The following MAST2 variants were observed in gnomAD, a reference collection of about 807,000 sequenced individuals.
MAST2 encodes microtubule associated serine/threonine kinase 2.
A neutral mutation model predicts 147.4 loss-of-function variants in MAST2; 70 were observed. That is an observed-to-expected ratio of 0.47 (90% CI 0.39 to 0.58). The LOEUF (loss-of-function observed/expected upper bound fraction) is 0.58. Among genes scored for constraint, MAST2 ranks in the 20% least tolerant of loss-of-function variants. The pLI, the probability that MAST2 is intolerant of heterozygous loss-of-function variation, is 0.00. For missense variants in MAST2, 2,080 were observed against 2,302.3 expected, an observed-to-expected ratio of 0.90 and a Z score of 1.98; for synonymous variants, 869 against 896.8, an observed-to-expected ratio of 0.97 and a Z score of 0.55.
At chr1:45,936,464 T>C (rs76275476) in intron 4 of MAST2, among the ~76,000 whole-genome samples, 51,185 of 151,598 alleles carry the variant, frequency 0.34, 8,942 homozygotes, top group African/African-American at 0.43. Flanking sequence ...GGGACCGTGT[T>C]TTTTGCCCAG....
At chr1:46,020,691 C>G (rs1010663124) in intron 11 of MAST2, among the ~76,000 whole-genome samples, 2 of 152,186 alleles carry the variant, frequency 1.3e-5, no homozygotes, top group Admixed American at 6.5e-5. Context: ...AGTCAGTCCT[C>G]TCTTCCTCCT....
chr1:45,896,887 C>T (rs749449707), intron 4 of MAST2, among the ~76,000 whole-genome samples: 4 of 152,268 alleles, frequency 2.6e-5, no homozygotes, highest in East Asian at 1.9e-4. Flanking sequence ...GAGGCCATTC[C>T]GGTTTGCAAG....
intron 16 of MAST2, 108 bp downstream of exon 16, chr1:46,025,923 A>C: frequency 7.1e-7 from 1 of 1,412,862 alleles, no homozygotes; most frequent in Non-Finnish European, 9.9e-7. Flanking sequence ...TACCGGGAAA[A>C]CATGCTCCTG....
At chr1:46,013,169 T>C (rs1645785423) in intron 10 of MAST2, among the ~76,000 whole-genome samples, 1 of 152,220 alleles carries the variant, frequency 6.6e-6, no homozygotes, top group South Asian at 2.1e-4. Context: ...TGGTTAAATC[T>C]TCACAACCGT....
intron 11 of MAST2, among the ~76,000 whole-genome samples, chr1:46,021,648 G>A (rs1332808362): frequency 1.3e-5 from 2 of 152,208 alleles, no homozygotes; most frequent in Non-Finnish European, 2.9e-5. Context: ...GTGCCACCTG[G>A]CTGATGGAAA....
At chr1:45,881,864 G>A (rs1646859128) in intron 3 of MAST2, among the ~76,000 whole-genome samples, 1 of 151,726 alleles carries the variant, frequency 6.6e-6, no homozygotes, top group South Asian at 2.1e-4. Context: ...GTTTGCCTGA[G>A]TGCTTTTATT....
chr1:45,916,704 T>G (rs1366204093), intron 4 of MAST2, among the ~76,000 whole-genome samples: 1 of 152,210 alleles, frequency 6.6e-6, no homozygotes, highest in African/African-American at 2.4e-5. Context: ...GAAGTTTTAG[T>G]CATTGAATAT....
chr1:45,891,890 C>T (rs1278177332), intron 4 of MAST2, among the ~76,000 whole-genome samples: 1 of 152,072 alleles, frequency 6.6e-6, no homozygotes, highest in Non-Finnish European at 1.5e-5. Context: ...GAAGGCAAGC[C>T]TAAGAAATAC....
intron 22 of MAST2, 48 bp downstream of exon 22, chr1:46,030,809 A>G (rs1374012667): frequency 1.3e-6 from 2 of 1,514,206 alleles, no homozygotes; most frequent in African/African-American, 2.8e-5. Context: ...CTATCCCTGC[A>G]TTGTCACAGA....
chr1:46,024,093 G>A (rs1019050248), intron 15 of MAST2, 113 bp downstream of exon 15: 4 of 1,016,908 alleles, frequency 3.9e-6, no homozygotes, highest in South Asian at 1.4e-5. Flanking sequence ...CAGCTTTCCA[G>A]TCCACCTTTG....
intron 4 of MAST2, among the ~76,000 whole-genome samples, chr1:45,890,399 C>A (rs1025565194): frequency 6.6e-6 from 1 of 152,210 alleles, no homozygotes; most frequent in African/African-American, 2.4e-5. Flanking sequence ...TTCTGGTAAA[C>A]CTCTCTTCCT....
chr1:45,989,699 G>C (rs1644785870), intron 5 of MAST2, among the ~76,000 whole-genome samples: 1 of 152,022 alleles, frequency 6.6e-6, no homozygotes, highest in Admixed American at 6.6e-5. Flanking sequence ...ATACAGAGTA[G>C]ATTTATTTCC....
chr1:45,944,658 A>G (rs1657785838), intron 4 of MAST2, among the ~76,000 whole-genome samples: 1 of 152,156 alleles, frequency 6.6e-6, no homozygotes, highest in African/African-American at 2.4e-5. Context: ...ACCATACTCC[A>G]TCCTTCCAGA....
At chr1:45,822,444 G>A (rs565200302) in intron 1 of MAST2, among the ~76,000 whole-genome samples, 1 of 152,146 alleles carries the variant, frequency 6.6e-6, no homozygotes, top group Non-Finnish European at 1.5e-5. Context: ...TCTGTTATCT[G>A]GTTTCTTTAC....
At position 45,930,931 on chromosome 1, in the gene MAST2, A is replaced by G. The variant is rs1164747113; in HGVS notation, c.501-28455A>G. The stretch of plus-strand genomic sequence containing the variant: ...ATCTGGCCTTTACAGAAAAAGTTTG[A>G]CAGCCCTTGTCCTAACCCATACTGA... On this transcript the variant is annotated intron_variant, in intron 4 of 28. Coordinates refer to ENST00000361297, the MANE Select transcript of MAST2 (RefSeq NM_015112.3). Among the ~76,000 whole-genome samples the G allele has an allele frequency of 2.0e-5, 3 of 152,236 alleles. No homozygotes were observed. The East Asian group carries it at 5.8e-4, about 29-fold the overall frequency.
Position 45,988,658 on chromosome 1 carries a change from A to T in MAST2, c.593-9066A>T, listed in dbSNP as rs114925926. Among the ~76,000 whole-genome samples the T allele has an allele frequency of 6.6e-3, 1,004 of 152,290 alleles. 12 individuals are homozygous for T. The highest frequency in any genetic ancestry group is 0.023 in the African/African-American group (969 of 41,562). ...TCCTCACTGATCTTCCCATTTATTT[A>T]TTCAATCATTTATATCAGTATGAAC... On this transcript the variant is annotated intron_variant, in intron 5 of 28. Transcript: ENST00000361297.
rs746174901 is a variant in MAST2, at chr1:46,031,477, C to T, written c.3079C>T (p.Arg1027Cys). 1.2e-5 allele frequency: 20 copies of T among 1,614,002 alleles called. No homozygotes were observed. The highest frequency in any genetic ancestry group is 1.0e-5 in the Non-Finnish European group (12 of 1,180,018). The change falls in exon 24 of 29, where the codon CGC (arginine) becomes TGC (cysteine). Residue 1027 changes from arginine (R) to cysteine (C), a missense_variant. Arg to Cys is a radical substitution (Grantham distance 180). This residue lies in a region of MAST2 where 1,278 missense variants were observed against 1,304.2 expected (regional missense o/e 0.98). Transcript: ENST00000361297. The surrounding 1 kb of genome is among the most constrained non-coding windows in gnomAD (Gnocchi z 4.1). ...AISDLAVRRARHRLLSGDSTE... is the reference protein window; with the variant it reads ...AISDLAVRRACHRLLSGDSTE... ...CAGTGACCTGGCTGTGCGTAGGGCC[C>T]GCCACCGGCTGCTCTCTGGGGACTC...
At chr1:45,825,432 A>C (rs2148710809) in intron 2 of MAST2, among the ~76,000 whole-genome samples, 1 of 149,408 alleles carries the variant, frequency 6.7e-6, no homozygotes, top group South Asian at 2.1e-4. Flanking sequence ...GGATGCGATT[A>C]TCTTCTCTTT....
At chr1:45,983,184 TA>T (rs1354294940) in intron 5 of MAST2, among the ~76,000 whole-genome samples, 4 of 152,182 alleles carry the variant, frequency 2.6e-5, no homozygotes, top group Non-Finnish European at 4.4e-5. Flanking sequence ...GAATCAGCTC[TA>T]AAAATCCTAA....
Sources: gnomAD v4.1 joint callset for allele counts (sites outside exome capture counted in the v4.1 genomes callset) on GRCh38, gnomAD v4.1.1 for gene constraint, gnomAD v4.1.1 regional missense constraint, Gnocchi (gnomAD v3.1) non-coding constraint, MANE v1.5 for transcripts, NCBI Gene and HGNC (gene_info 2026-07-23, HGNC 2026-07-21) for gene names.